PPP2R3A: variants seen among roughly 807,000 people sequenced by gnomAD.
The protein encoded by PPP2R3A is serine/threonine-protein phosphatase 2A regulatory subunit B'' subunit alpha.
Under a neutral mutation model 106.9 loss-of-function variants are expected in PPP2R3A, and 80 were observed. That is an observed-to-expected ratio of 0.75 (90% confidence interval 0.62 to 0.90). PPP2R3A has a LOEUF of 0.90. Among genes scored for constraint, PPP2R3A ranks in the 40% least tolerant of loss-of-function variants. The pLI, the probability that PPP2R3A is intolerant of heterozygous loss-of-function variation, is 0.00. For missense variants in PPP2R3A, 1,386 were observed against 1,350.4 expected (o/e 1.03, Z -0.41); for synonymous variants, 483 against 468.3 (o/e 1.03, Z -0.41).
At chr3:136,025,646 A>G (rs1167888758) in intron 2 of PPP2R3A, among the ~76,000 whole-genome samples, 2 of 152,158 alleles carry the variant, frequency 1.3e-5, no homozygotes, top group African/African-American at 2.4e-5. Context: ...GTTAAGAAAT[A>G]TGATAAATAT....
intron 8 of PPP2R3A, among the ~76,000 whole-genome samples, chr3:136,082,646 A>T (rs1190262484): frequency 6.6e-6 from 1 of 152,224 alleles, no homozygotes; most frequent in Non-Finnish European, 1.5e-5. Context: ...AACCAATCAC[A>T]GTCTTAGTTT....
chr3:136,031,200 T>A (rs1407607021), intron 3 of PPP2R3A, among the ~76,000 whole-genome samples: 1 of 151,898 alleles, frequency 6.6e-6, no homozygotes, highest in Non-Finnish European at 1.5e-5. Context: ...GGGGTTAAGG[T>A]TCTTCTTGGA....
intron 1 of PPP2R3A, among the ~76,000 whole-genome samples, chr3:135,976,513 CACA>C: frequency 6.6e-6 from 1 of 152,294 alleles, no homozygotes; most frequent in South Asian, 2.1e-4. Context: ...TTCTAGAATA[CACA>C]ACATAACAGG....
chr3:136,094,429 T>G (rs1407661723), intron 10 of PPP2R3A, among the ~76,000 whole-genome samples: 2 of 152,228 alleles, frequency 1.3e-5, no homozygotes, highest in African/African-American at 4.8e-5. Flanking sequence ...AGAAAGTATG[T>G]TCTGTAAACA....
At chr3:136,091,906 G>A (rs931331078) in intron 10 of PPP2R3A, among the ~76,000 whole-genome samples, 1 of 151,998 alleles carries the variant, frequency 6.6e-6, no homozygotes, top group Non-Finnish European at 1.5e-5. Context: ...TTCAGATTTT[G>A]GATTTTTTTC....
At chr3:136,009,349 A>G (rs1933964140) in intron 2 of PPP2R3A, among the ~76,000 whole-genome samples, 1 of 152,070 alleles carries the variant, frequency 6.6e-6, no homozygotes, top group Non-Finnish European at 1.5e-5. Context: ...AGACTCTGCT[A>G]TCCACTACCT....
Position 136,002,521 on chromosome 3 carries a change from AG to A in PPP2R3A, c.1024del (p.Ala342LeufsTer39). 6.2e-7 allele frequency: 1 copy of A among 1,614,076 alleles called. No individual in the cohort carries two copies. The highest frequency in any genetic ancestry group is 1.1e-5 in the South Asian group (1 of 91,060). On this transcript the variant is annotated frameshift_variant, in exon 2 of 14. Coordinates refer to ENST00000264977, the MANE Select transcript of PPP2R3A (RefSeq NM_002718.5). LOFTEE classifies it high-confidence loss of function. ...PKYEDVVQLS[A>X]SDSGRFQTIE... Reference sequence around the variant, plus strand: ...AATATGAAGATGTTGTCCAGCTCTCAGCTTCTGACTCTGGACGATTTCAAAC... The same window carrying A: ...AATATGAAGATGTTGTCCAGCTCTCACTTCTGACTCTGGACGATTTCAAAC...
chr3:136,134,850 A>C (rs1938544689), intron 13 of PPP2R3A, among the ~76,000 whole-genome samples: 1 of 152,176 alleles, frequency 6.6e-6, no homozygotes, highest in African/African-American at 2.4e-5. Context: ...CCACCCAAAG[A>C]CAGGCTGTTT....
rs558841196 is a variant in PPP2R3A, at chr3:136,027,685, G to T, written c.2262+587G>T. Among the ~76,000 whole-genome samples the T allele has an allele frequency of 1.8e-3, 276 of 152,276 alleles. 1 individual carries two copies. The highest frequency in any genetic ancestry group is 3.1e-3 in the Non-Finnish European group (208 of 68,024). ...TTAGCATAACCATCAGATTATATTT[G>T]ATTATGCCATTTCCCAATTTAGCAA... On this transcript the variant is annotated intron_variant, in intron 3 of 13. Transcript: ENST00000264977.
intron 13 of PPP2R3A, among the ~76,000 whole-genome samples, chr3:136,120,318 T>C (rs1937946727): frequency 6.6e-6 from 1 of 152,178 alleles, no homozygotes. Flanking sequence ...TCGGGTGCAG[T>C]GGGTCACACC....
At chr3:136,071,873 T>C (rs1936439785) in intron 6 of PPP2R3A, among the ~76,000 whole-genome samples, 1 of 152,172 alleles carries the variant, frequency 6.6e-6, no homozygotes, top group Non-Finnish European at 1.5e-5. Context: ...TCTTCCTCTT[T>C]CCTTTGCTTG....
At chr3:135,977,174 G>T (rs1000080129) in intron 1 of PPP2R3A, among the ~76,000 whole-genome samples, 3 of 152,016 alleles carry the variant, frequency 2.0e-5, no homozygotes, top group Non-Finnish European at 4.4e-5. Context: ...GCAATACAAT[G>T]AACACTTGTT....
At chr3:136,016,531 A>G (rs1934273418) in intron 2 of PPP2R3A, among the ~76,000 whole-genome samples, 2 of 151,938 alleles carry the variant, frequency 1.3e-5, no homozygotes, top group South Asian at 4.1e-4. Context: ...TAGGATTGTG[A>G]TATTTTCCAC....
At chr3:136,050,129 ACT>A (rs1459190571) in intron 5 of PPP2R3A, among the ~76,000 whole-genome samples, 1 of 152,116 alleles carries the variant, frequency 6.6e-6, no homozygotes, top group African/African-American at 2.4e-5. Flanking sequence ...AGTAGCATAG[ACT>A]CTATATGTAC....
rs987329756 is a variant in PPP2R3A, at chr3:136,090,496, T to C, written c.2838-82T>C. 6 of 1,152,262 alleles carry C rather than the reference T, an allele frequency of 5.2e-6. No individual in the cohort carries two copies. In the African/African-American group the frequency reaches 9.4e-5, roughly 18 times the overall value. The allele number at this position is 1,152,262 out of a possible 1,614,324, so 71.4% of individuals were successfully genotyped here. A position where few individuals can be genotyped will look rare whatever the true frequency, so the allele number is the denominator to read the frequency against. On this transcript the variant is annotated intron_variant, in intron 9 of 13. Transcript: ENST00000264977. ...ATTTAAAAAATTTTAACTGACATAC[T>C]ACTTTATTTCTTAGCCTATCATCCT...
Position 136,081,098 on chromosome 3 carries a change from A to G in PPP2R3A, c.2632-1167A>G, listed in dbSNP as rs1446483617. Among the ~76,000 whole-genome samples, 6 of 151,656 alleles carry G rather than the reference A, an allele frequency of 4.0e-5. No homozygotes were observed. The East Asian group carries it at 1.2e-3, about 29-fold the overall frequency. On this transcript the variant is annotated intron_variant, in intron 7 of 13. Transcript: ENST00000264977. ...AACCTCTGCCTCCCGGTTTCAAGCAATTTTCTGCCTCAGCCTCCCAAGTAG... is the reference window on the plus strand; with the variant it reads ...AACCTCTGCCTCCCGGTTTCAAGCAGTTTTCTGCCTCAGCCTCCCAAGTAG...
chr3:136,035,559 T>A (rs1372336206), intron 3 of PPP2R3A, among the ~76,000 whole-genome samples: 1 of 152,224 alleles, frequency 6.6e-6, no homozygotes, highest in East Asian at 1.9e-4. Flanking sequence ...GGGCCGCAAT[T>A]CCTTCTAGCT....
At chr3:136,076,941 C>T (rs1341198843) in intron 6 of PPP2R3A, among the ~76,000 whole-genome samples, 1 of 147,464 alleles carries the variant, frequency 6.8e-6, no homozygotes, top group African/African-American at 2.6e-5. Context: ...GGTGAGACTC[C>T]GTCTCAGAAA....
chr3:136,096,911 G>T (rs1273533088), intron 10 of PPP2R3A, among the ~76,000 whole-genome samples: 1 of 152,226 alleles, frequency 6.6e-6, no homozygotes, highest in Admixed American at 6.5e-5. Context: ...GAAGGTTGCA[G>T]TGAGCTGCGA....
Sources: gnomAD v4.1 joint callset for allele counts (sites outside exome capture counted in the v4.1 genomes callset) on GRCh38, gnomAD v4.1.1 for gene constraint, MANE v1.5 for transcripts, NCBI Gene and HGNC (gene_info 2026-07-23, HGNC 2026-07-21) for gene names.